Variants in COL23A1 observed in about 807,000 individuals in gnomAD.
COL23A1 encodes collagen alpha-1(XXIII) chain.
COL23A1 carries 97 observed loss-of-function variants against 99.3 expected under a neutral mutation model. The observed-to-expected ratio is 0.98, with a 90% CI of 0.83 to 1.16. COL23A1 has a LOEUF of 1.16. COL23A1 is among the 50% of genes most tolerant of loss of function. The probability of loss-of-function intolerance (pLI) is 0.00; values close to 1 mark genes in which losing one functional copy is unlikely to be tolerated. For missense variants in COL23A1, 762 were observed against 757.4 expected (o/e 1.01, Z -0.07); for synonymous variants, 320 against 308.2 (o/e 1.04, Z -0.40).
chr5:178,367,157 T>A (rs1762528193), intron 2 of COL23A1, among the ~76,000 whole-genome samples: 1 of 152,224 alleles, frequency 6.6e-6, no homozygotes, highest in Non-Finnish European at 1.5e-5. Flanking sequence ...AGGGTATCAC[T>A]GGAATACACA....
chr5:178,584,498 C>T (rs1763825856), intron 1 of COL23A1, among the ~76,000 whole-genome samples: 1 of 152,178 alleles, frequency 6.6e-6, no homozygotes, highest in South Asian at 2.1e-4. Flanking sequence ...CACCACGCCC[C>T]AGCCTGAATT....
intron 1 of COL23A1, among the ~76,000 whole-genome samples, chr5:178,566,508 G>A (rs73344487): frequency 0.013 from 1,925 of 152,272 alleles, 52 homozygotes; most frequent in African/African-American, 0.044. Flanking sequence ...TTGCAAAATG[G>A]TGTTTTCATT....
chr5:178,285,796 A>T (rs1433784810), intron 5 of COL23A1, among the ~76,000 whole-genome samples: 1 of 152,240 alleles, frequency 6.6e-6, no homozygotes, highest in Non-Finnish European at 1.5e-5. Flanking sequence ...ACATGGAGCC[A>T]TCTGCAAATA....
At chr5:178,263,640 T>G (rs1765757431) in intron 8 of COL23A1, among the ~76,000 whole-genome samples, 1 of 152,212 alleles carries the variant, frequency 6.6e-6, no homozygotes, top group Admixed American at 6.5e-5. Flanking sequence ...AGCACGTGTG[T>G]CCAGCTGCCC....
At chr5:178,502,442 G>A (rs1758620865) in intron 2 of COL23A1, among the ~76,000 whole-genome samples, 2 of 152,180 alleles carry the variant, frequency 1.3e-5, no homozygotes, top group African/African-American at 4.8e-5. Context: ...ACAAGAGTTG[G>A]TATTCTTATT....
intron 2 of COL23A1, among the ~76,000 whole-genome samples, chr5:178,397,531 C>T (rs1764216737): frequency 6.6e-6 from 1 of 152,258 alleles, no homozygotes; most frequent in Non-Finnish European, 1.5e-5. Context: ...GACACACCTG[C>T]CTGTTCACGG....
chr5:178,544,637 T>C lies in COL23A1; in HGVS notation c.361+16045A>G, dbSNP rs1388258390. On this transcript the variant is annotated intron_variant, in intron 2 of 28. Transcript: ENST00000390654. This position sits in a 1 kb window ranked among gnomAD's most constrained non-coding sequence, Gnocchi z 4.4. Reference sequence around the variant, plus strand: ...CAGCACAGCCGGCCTCTATCCCCACTGTGAGACGGGCGGTGCCACAAATGG... The same window carrying C: ...CAGCACAGCCGGCCTCTATCCCCACCGTGAGACGGGCGGTGCCACAAATGG... Among the ~76,000 whole-genome samples, 1 of 152,138 alleles carries C rather than the reference T, an allele frequency of 6.6e-6. No homozygotes were observed. Among genetic ancestry groups the C allele is most frequent in the African/African-American group, 2.4e-5 (1 of 41,432 alleles).
At position 178,544,280 on chromosome 5, in the gene COL23A1, C is replaced by T. The variant is rs1244568084; in HGVS notation, c.361+16402G>A. Among the ~76,000 whole-genome samples, 4 of 152,062 alleles carry T rather than the reference C, an allele frequency of 2.6e-5. No individual in the cohort carries two copies. Among genetic ancestry groups the T allele is most frequent in the Non-Finnish European group, 4.4e-5 (3 of 68,008 alleles). ...GGACTAGTGCCCAGGGAACAGAGCT[C>T]GCCGCTTACAGAGCCCCCAGCCCAG... On this transcript the variant is annotated intron_variant, in intron 2 of 28. Coordinates refer to ENST00000390654, the MANE Select transcript of COL23A1 (RefSeq NM_173465.4). The surrounding 1 kb of genome is among the most constrained non-coding windows in gnomAD (Gnocchi z 4.4).
intron 2 of COL23A1, among the ~76,000 whole-genome samples, chr5:178,479,786 G>A (rs1757232814): frequency 6.6e-6 from 1 of 152,324 alleles, no homozygotes; most frequent in African/African-American, 2.4e-5. Context: ...GTCCGAATTT[G>A]CTTTAAAATA....
rs1033155978 is a variant in COL23A1 at position 178,242,399 on chromosome 5, C to A, written c.1441-5G>T. 9.3e-6 allele frequency: 15 copies of A among 1,614,032 alleles called. No homozygotes were observed. The highest frequency in any genetic ancestry group is 3.3e-4 in the Middle Eastern group (2 of 6,062). The stretch of plus-strand genomic sequence containing the variant: ...TCCTCGGGGTCCAGGGAAACCCTGA[C>A]AAAAGGATTAGATGCTAAACCCGAA... On this transcript the variant is annotated splice_polypyrimidine_tract_variant and splice_region_variant and intron_variant, in intron 25 of 28. Coordinates refer to ENST00000390654, the MANE Select transcript of COL23A1 (RefSeq NM_173465.4).
At position 178,411,197 on chromosome 5, in the gene COL23A1, G is replaced by C. The variant is rs140114782; in HGVS notation, c.362-104278C>G. ...AAAATTGGAACCTTTGTACACTGCT[G>C]GTAGGAATGTAAAATTGTTCGGCTC... On this transcript the variant is annotated intron_variant, in intron 2 of 28. Transcript: ENST00000390654. Among the ~76,000 whole-genome samples, 31 of 152,274 alleles carry C rather than the reference G, an allele frequency of 2.0e-4. No homozygotes were observed. In the East Asian group the frequency reaches 5.6e-3, roughly 27 times the overall value.
intron 2 of COL23A1, among the ~76,000 whole-genome samples, chr5:178,507,024 T>A (rs1758911273): frequency 6.6e-6 from 1 of 152,244 alleles, no homozygotes; most frequent in African/African-American, 2.4e-5. Flanking sequence ...CTTGCAGCGT[T>A]GCAAAGCCAG....
intron 17 of COL23A1, among the ~76,000 whole-genome samples, chr5:178,251,481 A>G (rs1765028167): frequency 6.6e-6 from 1 of 152,230 alleles, no homozygotes; most frequent in Non-Finnish European, 1.5e-5. Context: ...ATCAAAAGAG[A>G]GCTTAGAAAT....
intron 2 of COL23A1, among the ~76,000 whole-genome samples, chr5:178,435,005 G>A (rs562218933): frequency 2.6e-5 from 4 of 152,302 alleles, no homozygotes; most frequent in African/African-American, 7.2e-5. Flanking sequence ...AGCACCGCTC[G>A]CTCGATTTCC....
In COL23A1 at chr5:178,248,175, C is replaced by T; in HGVS notation, c.1212+17G>A. The stretch of plus-strand genomic sequence containing the variant: ...CTGGGTGTTGGGGGAAGCCCTGACC[C>T]CCCCATACCCCCTTACCAGGCTCTC... On this transcript the variant is annotated intron_variant, in intron 20 of 28. Transcript: ENST00000390654. 6.5e-7 allele frequency: 1 copy of T among 1,545,664 alleles called. No individual in the cohort carries two copies. Among genetic ancestry groups the T allele is most frequent in the Non-Finnish European group, 8.9e-7 (1 of 1,126,720 alleles).
At chr5:178,322,235 G>A (rs1210605647) in intron 2 of COL23A1, among the ~76,000 whole-genome samples, 1 of 150,312 alleles carries the variant, frequency 6.7e-6, no homozygotes, top group African/African-American at 2.5e-5. Flanking sequence ...CTCGTGATCC[G>A]CCTGCCTCAG....
chr5:178,256,608 G>A (rs1359832561), intron 14 of COL23A1, among the ~76,000 whole-genome samples: 5 of 152,202 alleles, frequency 3.3e-5, no homozygotes, highest in African/African-American at 1.2e-4. Flanking sequence ...ATAGAGATGG[G>A]GACGCTGGTG....
intron 1 of COL23A1, among the ~76,000 whole-genome samples, chr5:178,578,130 CACAT>C (rs1176212213): frequency 1.9e-4 from 28 of 147,532 alleles, no homozygotes; most frequent in South Asian, 1.1e-3. Context: ...TGCACACACA[CACAT>C]GCATGCACAC....
chr5:178,316,515 A>G (rs889266729), intron 2 of COL23A1, among the ~76,000 whole-genome samples: 2 of 152,190 alleles, frequency 1.3e-5, no homozygotes, highest in African/African-American at 2.4e-5. Flanking sequence ...TTCCTTAGAT[A>G]ATTACCTTGC....
Sources: gnomAD v4.1 joint callset for allele counts (sites outside exome capture counted in the v4.1 genomes callset) on GRCh38, gnomAD v4.1.1 for gene constraint, Gnocchi (gnomAD v3.1) non-coding constraint, MANE v1.5 for transcripts, NCBI Gene and HGNC (gene_info 2026-07-23, HGNC 2026-07-21) for gene names.